PRELID2: variants seen among roughly 807,000 people sequenced by gnomAD.
PRELID2 encodes PRELI domain-containing protein 2.
In PRELID2, 25 loss-of-function variants were observed where a neutral mutation model predicts 28.4. The observed-to-expected ratio is 0.88, with a 90% CI of 0.64 to 1.23. PRELID2 has a LOEUF of 1.23. PRELID2 is among the 50% of genes most tolerant of loss of function. The pLI is 0.00. For synonymous variants in PRELID2, 76 were observed against 71.6 expected (o/e 1.06, Z -0.31); for missense variants, 201 against 214.4 (o/e 0.94, Z 0.39).
At chr5:145,698,336 T>C (rs982269610) in intron 1 of PRELID2, among the ~76,000 whole-genome samples, 1 of 152,224 alleles carries the variant, frequency 6.6e-6, no homozygotes, top group East Asian at 1.9e-4. Flanking sequence ...AGAACAGCTA[T>C]GTCCCTATTA....
chr5:145,660,198 A>C (rs1431847458), intron 1 of PRELID2, among the ~76,000 whole-genome samples: 2 of 152,196 alleles, frequency 1.3e-5, no homozygotes, highest in Middle Eastern at 3.2e-3. Context: ...GGAGGACAGC[A>C]CAGTGGTTAA....
At chr5:145,258,551 T>C in the PRELID2 span, among the ~76,000 whole-genome samples, 1 of 152,188 alleles carries the variant, frequency 6.6e-6, no homozygotes, top group South Asian at 2.1e-4. Flanking sequence ...GTGGAACTTT[T>C]ACCTCAAGAG....
At chr5:145,294,357 G>C in the PRELID2 span, among the ~76,000 whole-genome samples, 1 of 152,196 alleles carries the variant, frequency 6.6e-6, no homozygotes, top group Non-Finnish European at 1.5e-5. Context: ...CTTACTTACT[G>C]AATCAGAACC....
intron 1 of PRELID2, among the ~76,000 whole-genome samples, chr5:145,832,228 C>T (rs988275005): frequency 3.3e-5 from 5 of 152,154 alleles, no homozygotes; most frequent in African/African-American, 4.8e-5. Context: ...CTCTGTCACC[C>T]AGGCTGGAGT....
chr5:145,238,596 TG>T, the PRELID2 span, among the ~76,000 whole-genome samples: 1 of 152,112 alleles, frequency 6.6e-6, no homozygotes, highest in Non-Finnish European at 1.5e-5. Context: ...ATGAATGAAA[TG>T]TTTTTTTCTT....
chr5:145,733,093 A>AG (rs923633427), intron 1 of PRELID2, among the ~76,000 whole-genome samples: 1 of 151,838 alleles, frequency 6.6e-6, no homozygotes, highest in African/African-American at 2.4e-5. Context: ...AAAAAAAAAA[A>AG]AAAGAAAGAA....
At chr5:145,514,478 G>A (rs1752496080) in intron 1 of PRELID2, among the ~76,000 whole-genome samples, 1 of 152,082 alleles carries the variant, frequency 6.6e-6, no homozygotes, top group Admixed American at 6.6e-5. Flanking sequence ...ACCCAATAAA[G>A]GTGCACCCAG....
At chr5:145,439,804 C>T in the PRELID2 span, among the ~76,000 whole-genome samples, 4 of 152,026 alleles carry the variant, frequency 2.6e-5, no homozygotes, top group Admixed American at 1.3e-4. Flanking sequence ...GCCTTCTATC[C>T]TTCAATCTCT....
Position 145,643,552 on chromosome 5 carries a change from C to G in PRELID2, n.70+121379G>C, listed in dbSNP as rs369249509. Among the ~76,000 whole-genome samples, 17 of 152,144 alleles carry G rather than the reference C, an allele frequency of 1.1e-4. 1 individual carries two copies. In the South Asian group the frequency reaches 3.5e-3, roughly 32 times the overall value. ...TGGCCAGAACTTCCAATAATATGTTCAATAGGAGTGGTGAGAGAGGGCATT... is the reference window on the plus strand; with the variant it reads ...TGGCCAGAACTTCCAATAATATGTTGAATAGGAGTGGTGAGAGAGGGCATT... On this transcript the variant is annotated intron_variant and non_coding_transcript_variant, in intron 1 of 2. Coordinates refer to the PRELID2 transcript ENST00000510259.
intron 1 of PRELID2, among the ~76,000 whole-genome samples, chr5:145,717,419 A>G (rs1755872768): frequency 6.6e-6 from 1 of 152,126 alleles, no homozygotes; most frequent in African/African-American, 2.4e-5. Flanking sequence ...ATTTTATGGT[A>G]TGTGAGTTAT....
chr5:145,627,393 G>A (rs928562465), intron 1 of PRELID2, among the ~76,000 whole-genome samples: 1 of 151,966 alleles, frequency 6.6e-6, no homozygotes, highest in Non-Finnish European at 1.5e-5. Flanking sequence ...TGGGTACAAT[G>A]TACCCTATTC....
chr5:145,613,767 G>C (rs182782782), intron 1 of PRELID2, among the ~76,000 whole-genome samples: 2 of 152,088 alleles, frequency 1.3e-5, no homozygotes, highest in Admixed American at 6.5e-5. Flanking sequence ...CTCCCATTCT[G>C]TGGGTTGTCC....
At chr5:145,295,842 A>T in the PRELID2 span, among the ~76,000 whole-genome samples, 1 of 152,180 alleles carries the variant, frequency 6.6e-6, no homozygotes, top group African/African-American at 2.4e-5. Context: ...AATGTAATTT[A>T]AAAACCATAT....
chr5:145,702,155 A>G (rs114456424), intron 1 of PRELID2, among the ~76,000 whole-genome samples: 2,141 of 152,168 alleles, frequency 0.014, 50 homozygotes, highest in African/African-American at 0.048. Flanking sequence ...ATGCTTAAGT[A>G]TTTTTAATGC....
At chr5:145,790,500 G>A (rs936380451) in intron 5 of PRELID2, among the ~76,000 whole-genome samples, 5 of 151,998 alleles carry the variant, frequency 3.3e-5, no homozygotes, top group African/African-American at 1.2e-4. Flanking sequence ...ATAAGGAGAT[G>A]TTGGCCAAAA....
intron 1 of PRELID2, among the ~76,000 whole-genome samples, chr5:145,555,021 G>A (rs1752868380): frequency 6.6e-6 from 1 of 152,186 alleles, no homozygotes; most frequent in Non-Finnish European, 1.5e-5. Context: ...AAGTTACCTT[G>A]TTAACCTTCA....
intron 1 of PRELID2, among the ~76,000 whole-genome samples, chr5:145,514,411 C>T (rs1440616133): frequency 4.0e-5 from 6 of 150,902 alleles, no homozygotes; most frequent in East Asian, 3.9e-4. Context: ...AAGGGCATTA[C>T]ATAATGGTAA....
the PRELID2 span, among the ~76,000 whole-genome samples, chr5:145,379,724 G>A: frequency 6.6e-6 from 1 of 152,120 alleles, no homozygotes; most frequent in Non-Finnish European, 1.5e-5. Flanking sequence ...TGTGGGCCAA[G>A]GGGAAGCTAC....
chr5:145,464,573 T>C, the PRELID2 span, among the ~76,000 whole-genome samples: 1 of 152,218 alleles, frequency 6.6e-6, no homozygotes, highest in African/African-American at 2.4e-5. Context: ...AGCAAATGGT[T>C]CTTAATACTG....
Sources: gnomAD v4.1 joint callset for allele counts (sites outside exome capture counted in the v4.1 genomes callset) on GRCh38, gnomAD v4.1.1 for gene constraint, MANE v1.5 for transcripts, NCBI Gene and HGNC (gene_info 2026-07-23, HGNC 2026-07-21) for gene names.